The following RAB11FIP4 variants were observed in gnomAD, a reference collection of about 807,000 sequenced individuals.
The protein encoded by RAB11FIP4 is rab11 family-interacting protein 4.
In RAB11FIP4, 23 loss-of-function variants were observed where a neutral mutation model predicts 74.3. The ratio of observed to expected loss-of-function variants is 0.31; its 90% CI spans 0.22 to 0.44. The LOEUF is 0.44. RAB11FIP4 is among the 20% of genes least tolerant of loss of function. The pLI is 1.00. For synonymous variants in RAB11FIP4, 360 were observed against 359.9 expected (o/e 1.00, Z 0.00); for missense variants, 630 against 863.9 (o/e 0.73, Z 3.39).
chr17:31,421,600 A>G (rs1163889922), intron 1 of RAB11FIP4, among the ~76,000 whole-genome samples: 5 of 144,920 alleles, frequency 3.5e-5, no homozygotes, highest in Non-Finnish European at 6.0e-5. Context: ...CTTGTTGCCC[A>G]GGCTGGAGTG....
At position 31,523,607 on chromosome 17, in the gene RAB11FIP4, A is replaced by G. The variant is rs1567691986; in HGVS notation, c.1025A>G (p.Glu342Gly). Residue 342 changes from glutamate (E) to glycine (G), a missense_variant, in exon 8 of 15, where the codon GAG becomes GGG. Physicochemically the swap from Glu to Gly is moderately conservative, Grantham distance 98. Coordinates refer to ENST00000621161, the MANE Select transcript of RAB11FIP4 (RefSeq NM_032932.6). ...SIDSCDNDIT[E>G]KVSFLEKKVT... The stretch of plus-strand genomic sequence containing the variant: ...GACTCTTGCGACAATGACATCACAG[A>G]GAAGGTGGGCCTTGGGTGGCTGGAG... 1.2e-6 allele frequency: 2 copies of G among 1,613,764 alleles called. No individual in the cohort carries two copies. The highest frequency in any genetic ancestry group is 2.2e-5 in the East Asian group (1 of 44,864).
chr17:31,392,149 AGGACCTCGGCCCCCCCCG>A, intron 1 of RAB11FIP4, 138 bp downstream of exon 1: 4 of 636,838 alleles, frequency 6.3e-6, no homozygotes, highest in Non-Finnish European at 8.4e-6. Context: ...GCCGGAGCCC[AGGACCTCGGCCCCCCCCG>A]GGTATCCCTG....
At chr17:31,431,600 G>A in intron 1 of RAB11FIP4, 1 of 513,218 alleles carries the variant, frequency 1.9e-6, no homozygotes, top group South Asian at 2.6e-5. Flanking sequence ...TCAGGGAGGA[G>A]CCGGTGTTGG....
At chr17:31,433,533 G>T (rs1024295219) in intron 2 of RAB11FIP4, among the ~76,000 whole-genome samples, 6 of 152,232 alleles carry the variant, frequency 3.9e-5, no homozygotes, top group African/African-American at 1.4e-4. Context: ...CAACCTTGGG[G>T]CGTTTGGTTG....
chr17:31,434,209 G>GTTCTGGGTCC, intron 3 of RAB11FIP4, 87 bp downstream of exon 3: 1 of 1,110,648 alleles, frequency 9.0e-7, no homozygotes, highest in Non-Finnish European at 1.3e-6. Context: ...TATCTGGGAG[G>GTTCTGGGTCC]ACCCAGAACC....
intron 3 of RAB11FIP4, among the ~76,000 whole-genome samples, chr17:31,508,674 G>T (rs2072398768): frequency 6.6e-6 from 1 of 151,824 alleles, no homozygotes; most frequent in South Asian, 2.1e-4. Context: ...GCCCCTCCCT[G>T]AGGACAGGCT....
chr17:31,410,342 G>A (rs984259861), intron 1 of RAB11FIP4, among the ~76,000 whole-genome samples: 11 of 152,156 alleles, frequency 7.2e-5, no homozygotes, highest in African/African-American at 2.7e-4. Context: ...TGATGATGAT[G>A]ATGAAGGAGA....
chr17:31,412,041 A>G (rs904046989), intron 1 of RAB11FIP4, among the ~76,000 whole-genome samples: 1 of 152,188 alleles, frequency 6.6e-6, no homozygotes, highest in African/African-American at 2.4e-5. Flanking sequence ...GCTGAGTTCA[A>G]TCACCTGGGG....
chr17:31,403,959 C>G (rs566371222), intron 1 of RAB11FIP4, among the ~76,000 whole-genome samples: 2 of 152,256 alleles, frequency 1.3e-5, no homozygotes, highest in South Asian at 4.2e-4. Flanking sequence ...GGATGGGCGG[C>G]CAGGGGCCCT....
At chr17:31,439,602 A>G (rs1480537294) in intron 3 of RAB11FIP4, among the ~76,000 whole-genome samples, 1 of 151,980 alleles carries the variant, frequency 6.6e-6, no homozygotes, top group Non-Finnish European at 1.5e-5. Context: ...AAATCTCTGT[A>G]TATTCTGTTT....
intron 1 of RAB11FIP4, among the ~76,000 whole-genome samples, chr17:31,406,215 A>T (rs1324863114): frequency 6.6e-6 from 1 of 152,194 alleles, no homozygotes; most frequent in African/African-American, 2.4e-5. Context: ...AGTCCTGGGT[A>T]CCCTGAGCTG....
At chr17:31,444,924 G>A (rs912052350) in intron 3 of RAB11FIP4, among the ~76,000 whole-genome samples, 2 of 152,124 alleles carry the variant, frequency 1.3e-5, no homozygotes, top group Non-Finnish European at 1.5e-5. Context: ...CTAGTGCAGT[G>A]CATTTTTGAA....
rs905902479 is a variant in RAB11FIP4 at position 31,535,465 on chromosome 17, G to A, written c.*3733G>A. On this transcript the variant is annotated 3_prime_UTR_variant, in exon 15 of 15. Transcript: ENST00000621161. Reference sequence around the variant, plus strand: ...AGACCTCCCCAGGTGATGATATGCAGTCCGAGGTTGAGACTGCCCTGTCCT... The same window carrying A: ...AGACCTCCCCAGGTGATGATATGCAATCCGAGGTTGAGACTGCCCTGTCCT... 2 of 152,234 alleles carry A rather than the reference G, an allele frequency of 1.3e-5. No individual in the cohort carries two copies. The highest frequency in any genetic ancestry group is 4.8e-5 in the African/African-American group (2 of 41,442). 9.4% of individuals were successfully genotyped at this position (152,234 alleles called of 1,614,324 possible). A position where few individuals can be genotyped will look rare whatever the true frequency, so the allele number is the denominator to read the frequency against.
chr17:31,444,761 G>A (rs2071436028), intron 3 of RAB11FIP4, among the ~76,000 whole-genome samples: 1 of 152,122 alleles, frequency 6.6e-6, no homozygotes, highest in African/African-American at 2.4e-5. Flanking sequence ...GAAAAATTTG[G>A]GTTTTATGAA....
intron 3 of RAB11FIP4, among the ~76,000 whole-genome samples, chr17:31,435,245 T>C (rs1231569545): frequency 6.6e-6 from 1 of 151,960 alleles, no homozygotes. Flanking sequence ...TGCCTGGAGG[T>C]TGGGGGTAGG....
chr17:31,448,392 A>ATTTTTTTCTTTTTTTTTT (rs2071489932), intron 3 of RAB11FIP4: 1 of 79,832 alleles, frequency 1.3e-5, no homozygotes, highest in African/African-American at 5.9e-5. Flanking sequence ...CATCCAGCTA[A>ATTTTTTTCTTTTTTTTTT]TTTTTTTTTT....
At chr17:31,415,070 A>T (rs1231712387) in intron 1 of RAB11FIP4, among the ~76,000 whole-genome samples, 1 of 152,164 alleles carries the variant, frequency 6.6e-6, no homozygotes, top group Non-Finnish European at 1.5e-5. Flanking sequence ...CCCTCCAGAG[A>T]CAGCCTCTCC....
At chr17:31,405,513 G>C (rs1208793588) in intron 1 of RAB11FIP4, among the ~76,000 whole-genome samples, 1 of 152,128 alleles carries the variant, frequency 6.6e-6, no homozygotes, top group Non-Finnish European at 1.5e-5. Context: ...GGGACTACAG[G>C]CATTTGCGCT....
Position 31,404,706 on chromosome 17 carries a change from A to T in RAB11FIP4, c.159+12695A>T, listed in dbSNP as rs542032826. On this transcript the variant is annotated intron_variant, in intron 1 of 14. Coordinates refer to ENST00000621161, the MANE Select transcript of RAB11FIP4 (RefSeq NM_032932.6). ...GCCAGAGGGTATACAGATGAGTAAG[A>T]TAGGATTCCTTCCCTGCGGTGGGGG... 9.9e-5 allele frequency among the ~76,000 whole-genome samples: 15 copies of T among 152,170 alleles called. No homozygotes were observed. The East Asian group carries it at 1.7e-3, about 18-fold the overall frequency.
Sources: allele counts gnomAD v4.1 joint callset (sites outside exome capture counted in the v4.1 genomes callset), GRCh38; gene constraint gnomAD v4.1.1; transcripts MANE v1.5; gene names NCBI Gene and HGNC (gene_info 2026-07-23, HGNC 2026-07-21).